TDRD9: variants seen among roughly 807,000 people sequenced by gnomAD.
TDRD9 encodes ATP-dependent RNA helicase TDRD9.
In TDRD9, 124 loss-of-function variants were observed where a neutral mutation model predicts 172.6. That is an observed-to-expected ratio of 0.72 (90% CI 0.62 to 0.83). TDRD9 has a LOEUF of 0.83. Among genes scored for constraint, TDRD9 ranks in the 40% least tolerant of loss-of-function variants. The pLI is 0.00. For missense variants in TDRD9, 1,479 were observed against 1,714.1 expected (o/e 0.86, Z 2.42); for synonymous variants, 619 against 617.1 (o/e 1.00, Z -0.05).
chr14:103,975,343 T>C, intron 6 of TDRD9, 46 bp from the exon 7 acceptor site: 8 of 1,568,820 alleles, frequency 5.1e-6, no homozygotes, highest in Non-Finnish European at 6.9e-6. Flanking sequence ...ATTTAATTTG[T>C]GATGATTCTC....
chr14:103,950,956 C>A (rs2031843944), intron 1 of TDRD9, among the ~76,000 whole-genome samples: 1 of 152,182 alleles, frequency 6.6e-6, no homozygotes, highest in Non-Finnish European at 1.5e-5. Flanking sequence ...CTAGCATCAC[C>A]CTGTTTGTGA....
At chr14:103,958,629 A>G (rs117316063) in intron 2 of TDRD9, among the ~76,000 whole-genome samples, 3,031 of 152,296 alleles carry the variant, frequency 0.02, 38 homozygotes, top group Non-Finnish European at 0.031. Context: ...CAGAAGTCAT[A>G]GGTTGGAGTG....
At chr14:103,983,314 C>T (rs1027655927) in intron 7 of TDRD9, among the ~76,000 whole-genome samples, 12 of 151,932 alleles carry the variant, frequency 7.9e-5, no homozygotes, top group African/African-American at 2.7e-4. Context: ...CCACCCGGCT[C>T]GACCTCCCAA....
intron 32 of TDRD9, among the ~76,000 whole-genome samples, chr14:104,036,872 C>G (rs930399905): frequency 7.9e-5 from 12 of 152,260 alleles, no homozygotes; most frequent in African/African-American, 2.4e-4. Context: ...AATCCACAGG[C>G]TTAACTAGGT....
In TDRD9 at chr14:104,031,192, G is replaced by A. The variant is rs556787798; in HGVS notation, c.3367G>A (p.Asp1123Asn). The change falls in exon 29 of 36, where the codon GAC becomes AAC. Residue 1123 changes from aspartate to asparagine, a missense_variant. Coordinates refer to ENST00000409874, the MANE Select transcript of TDRD9 (RefSeq NM_153046.3). ...CTCTGTGCCCTTTCCCATGAAAGAC[G>A]ACGAGAAATATCTCATCCGGATTTT... ...DGSVPFPMKD[D>N]EKYLIRILLE... 6.0e-5 allele frequency: 93 copies of A among 1,551,768 alleles called. 4 individuals carry two copies. The South Asian group carries it at 9.0e-4, about 15-fold the overall frequency.
chr14:103,955,764 G>GGTT lies in TDRD9; in HGVS notation c.317_318insTTG (p.Gly106_Pro107insTrp). On this transcript the variant is annotated inframe_insertion, in exon 2 of 36. Coordinates refer to ENST00000409874, the MANE Select transcript of TDRD9 (RefSeq NM_153046.3). Reference sequence around the variant, plus strand: ...GTGTCGCAGTGTCCAACCAACCAGTGGGCCAGGTAAACAGGTCTCTTTAAA... The same window carrying GGTT: ...GTGTCGCAGTGTCCAACCAACCAGTGGTTGGCCAGGTAAACAGGTCTCTTTAAA... 1 of 1,550,660 alleles carries GGTT rather than the reference G, an allele frequency of 6.4e-7. No individual in the cohort carries two copies. The highest frequency in any genetic ancestry group is 8.7e-7 in the Non-Finnish European group (1 of 1,146,536).
intron 1 of TDRD9, among the ~76,000 whole-genome samples, chr14:103,943,463 T>A (rs868263462): frequency 2.7e-5 from 4 of 150,398 alleles, no homozygotes; most frequent in African/African-American, 7.3e-5. Flanking sequence ...TATGTATATA[T>A]AAATATACAC....
Position 103,975,431 on chromosome 14 carries a change from G to A in TDRD9, c.889G>A (p.Asp297Asn). The A allele has an allele frequency of 6.2e-7, 1 of 1,613,850 alleles. No individual in the cohort carries two copies. The highest frequency in any genetic ancestry group is 2.2e-5 in the East Asian group (1 of 44,860). ...SATISCKEFA[D>N]YFAVPVQNKM... ...TACCATCAGCTGTAAAGAGTTTGCA[G>A]ACTACTTTGCTGTTCCTGTTCAAAA... is the stretch of plus-strand genomic sequence containing the variant. Residue 297 changes from aspartate to asparagine, a missense_variant, in exon 7 of 36, where the codon GAC becomes AAC. Asp to Asn is a conservative substitution (Grantham distance 23). Coordinates refer to ENST00000409874, the MANE Select transcript of TDRD9 (RefSeq NM_153046.3).
At chr14:103,994,439 C>T in intron 10 of TDRD9, 53 bp downstream of exon 10, 1 of 1,601,614 alleles carries the variant, frequency 6.2e-7, no homozygotes, top group Non-Finnish European at 8.6e-7. Flanking sequence ...ATTGTTTCTG[C>T]CTTAAATTAT....
intron 34 of TDRD9, among the ~76,000 whole-genome samples, chr14:104,048,700 C>G (rs371603590): frequency 1.3e-4 from 20 of 152,170 alleles, no homozygotes; most frequent in Non-Finnish European, 2.4e-4. Context: ...GCCTGCTCCC[C>G]CTCTGTGGCA....
In TDRD9 at chr14:104,018,189, C is replaced by T; in HGVS notation, c.2429C>T (p.Ala810Val). The T allele has an allele frequency of 6.4e-7, 1 of 1,562,648 alleles. No homozygotes were observed. Among genetic ancestry groups the T allele is most frequent in the African/African-American group, 1.4e-5 (1 of 73,942 alleles). The part of the protein sequence containing the change: ...GQVKSIVFDG[A>V]KAFVEFSRNP... ...GTCAAATCCATTGTATTTGATGGTG[C>T]AAAGTAAGTATATTTTTGTAATCAA... Residue 810 changes from alanine to valine, a missense_variant, in exon 23 of 36, where the codon GCA becomes GTA. Physicochemically the swap from Ala to Val is moderately conservative, Grantham distance 64 (BLOSUM62 0). Transcript: ENST00000409874.
chr14:103,954,872 G>A (rs1007241961), intron 1 of TDRD9, among the ~76,000 whole-genome samples: 7 of 151,538 alleles, frequency 4.6e-5, no homozygotes, highest in East Asian at 1.9e-4. Context: ...CAAGTGATCC[G>A]CCCGCCTTGG....
In TDRD9 at chr14:103,965,562, T is replaced by TGGGA. The variant is rs140364061; in HGVS notation, c.642+21_642+24dup. On this transcript the variant is annotated intron_variant, in intron 4 of 35. Coordinates refer to ENST00000409874, the MANE Select transcript of TDRD9 (RefSeq NM_153046.3). ...GGTGTGGTGGGCTACCAGGTGAGACTGGGAGGGAGGGAGGGACTAAGAGAG... is the reference window on the plus strand; with the variant it reads ...GGTGTGGTGGGCTACCAGGTGAGACTGGGAGGGAGGGAGGGAGGGACTAAGAGAG... 7.9e-3 allele frequency: 9,851 copies of TGGGA among 1,248,134 alleles called. 511 individuals are homozygous for TGGGA. The Admixed American group carries it at 0.13, about 17-fold the overall frequency. 77.3% of individuals were successfully genotyped at this position (1,248,134 alleles called of 1,614,324 possible). A position where few individuals can be genotyped will look rare whatever the true frequency, so the allele number is the denominator to read the frequency against.
chr14:104,036,691 A>G (rs2035459232), intron 32 of TDRD9, among the ~76,000 whole-genome samples: 1 of 152,214 alleles, frequency 6.6e-6, no homozygotes, highest in Non-Finnish European at 1.5e-5. Context: ...ATACTGACAT[A>G]CTTGGTATTT....
Position 104,027,310 on chromosome 14 carries a change from A to G in TDRD9, c.3282+371A>G, listed in dbSNP as rs188420676. On this transcript the variant is annotated intron_variant, in intron 28 of 35. Transcript: ENST00000409874. ...AGGGATCCTCCTGCCTCAGCCTCCC[A>G]GAGTACTTCCAGGTGTGAGCCACTG... is the stretch of plus-strand genomic sequence containing the variant. Among the ~76,000 whole-genome samples the G allele has an allele frequency of 3.2e-3, 487 of 152,242 alleles. 5 individuals carry two copies. Among genetic ancestry groups the G allele is most frequent in the African/African-American group, 0.011 (472 of 41,530 alleles).
intron 25 of TDRD9, 69 bp downstream of exon 25, chr14:104,024,749 TACACACAC>T (rs60394937): frequency 0.016 from 6,964 of 433,856 alleles, 36 homozygotes; most frequent in Middle Eastern, 0.021. Flanking sequence ...ACAGGAAGTT[TACACACAC>T]ACACACACAC....
At chr14:104,023,208 A>G (rs867838383) in intron 24 of TDRD9, among the ~76,000 whole-genome samples, 2,054 of 150,546 alleles carry the variant, frequency 0.014, 60 homozygotes, top group African/African-American at 0.048. Context: ...AAAAAAAAAA[A>G]AAAAAAGGAT....
chr14:103,997,462 A>T lies in TDRD9; in HGVS notation c.1379-1162A>T, dbSNP rs1595963902. ...GCGAGATGGTGAAGGCTGTGGAAGG[A>T]GCAGGGTGGGGCAGGTGAGGAGCTG... On this transcript the variant is annotated intron_variant, in intron 12 of 35. Coordinates refer to ENST00000409874, the MANE Select transcript of TDRD9 (RefSeq NM_153046.3). This position sits in a 1 kb window ranked among gnomAD's most constrained non-coding sequence, Gnocchi z 5.1. Among the ~76,000 whole-genome samples, 1 of 152,268 alleles carries T rather than the reference A, an allele frequency of 6.6e-6. No homozygotes were observed. The highest frequency in any genetic ancestry group is 1.9e-4 in the East Asian group (1 of 5,178).
intron 7 of TDRD9, among the ~76,000 whole-genome samples, chr14:103,985,834 G>A (rs1279354678): frequency 6.6e-6 from 1 of 152,146 alleles, no homozygotes; most frequent in South Asian, 2.1e-4. Context: ...TGAGGTGGGG[G>A]TTTGACAGAG....
Sources: allele counts gnomAD v4.1 joint callset (sites outside exome capture counted in the v4.1 genomes callset), GRCh38; gene constraint gnomAD v4.1.1; non-coding constraint Gnocchi (gnomAD v3.1); transcripts MANE v1.5; gene names NCBI Gene and HGNC (gene_info 2026-07-23, HGNC 2026-07-21).